Variants in KIN observed in about 807,000 individuals in gnomAD.
The protein encoded by KIN is Kin17 DNA and RNA binding protein.
A neutral mutation model predicts 63.0 loss-of-function variants in KIN; 47 were observed. The observed-to-expected ratio is 0.75, with a 90% CI of 0.59 to 0.95. KIN has a LOEUF of 0.95. KIN is among the 40% of genes least tolerant of loss of function. KIN has a pLI of 0.00. For missense variants in KIN, 408 were observed against 460.9 expected, an observed-to-expected ratio of 0.89 and a Z score of 1.05; for synonymous variants, 160 against 157.7, an observed-to-expected ratio of 1.01 and a Z score of -0.11.
At chr10:7,770,902 A>C (rs1398621760) in intron 7 of KIN, among the ~76,000 whole-genome samples, 1 of 152,050 alleles carries the variant, frequency 6.6e-6, no homozygotes, top group Non-Finnish European at 1.5e-5. Flanking sequence ...TAAAACCCCT[A>C]CTTCTTTTCT....
rs372521252 is a variant in KIN at position 7,783,194 on chromosome 10, C to G, written c.115-19G>C. 4.1e-6 allele frequency: 6 copies of G among 1,456,890 alleles called. No individual in the cohort carries two copies. In the African/African-American group the frequency reaches 7.1e-5, roughly 17 times the overall value. 90.2% of individuals were successfully genotyped at this position (1,456,890 alleles called of 1,614,324 possible). On this transcript the variant is annotated intron_variant, in intron 1 of 12. Coordinates refer to ENST00000379562, the MANE Select transcript of KIN (RefSeq NM_012311.4). ...AGCCATTCTACAAAAAATGTAAAAG[C>G]AATAAATTCTGATTTAGGTCATCAA...
intron 7 of KIN, among the ~76,000 whole-genome samples, chr10:7,770,167 G>A (rs1045986750): frequency 3.9e-5 from 6 of 152,182 alleles, no homozygotes; most frequent in African/African-American, 1.4e-4. Flanking sequence ...TTGACCTCAG[G>A]TGATCCACCT....
At chr10:7,781,202 G>A (rs1053048665) in intron 2 of KIN, among the ~76,000 whole-genome samples, 1 of 152,186 alleles carries the variant, frequency 6.6e-6, no homozygotes, top group African/African-American at 2.4e-5. Context: ...TGAAGGATAA[G>A]TAGAACCCTA....
chr10:7,775,868 T>A (rs949869868), intron 5 of KIN, 69 bp from the exon 6 acceptor site: 1 of 853,616 alleles, frequency 1.2e-6, no homozygotes, highest in South Asian at 1.6e-5. Context: ...TAGGCCTAAA[T>A]TATGACTTGC....
At chr10:7,763,551 AAG>A (rs1201962735) in intron 10 of KIN, among the ~76,000 whole-genome samples, 170 bp downstream of exon 10, 5 of 152,192 alleles carry the variant, frequency 3.3e-5, no homozygotes, top group Admixed American at 6.5e-5. Context: ...ATGGATGAAA[AAG>A]AAATATTTCT....
At chr10:7,787,645 G>C (rs1836052556) in intron 1 of KIN, among the ~76,000 whole-genome samples, 175 bp downstream of exon 1, 1 of 152,186 alleles carries the variant, frequency 6.6e-6, no homozygotes, top group Non-Finnish European at 1.5e-5. Flanking sequence ...CGGGGGCTGC[G>C]GGGAGGGACG....
chr10:7,751,647 T>C lies in KIN; in HGVS notation c.*4433A>G, dbSNP rs1017022064. 10 of 152,196 alleles carry C rather than the reference T, an allele frequency of 6.6e-5. 1 individual carries two copies. The highest frequency in any genetic ancestry group is 1.5e-4 in the Non-Finnish European group (10 of 68,026). The allele number at this position is 152,196 out of a possible 1,614,324, so 9.4% of individuals were successfully genotyped here. On this transcript the variant is annotated 3_prime_UTR_variant, in exon 13 of 13. Transcript: ENST00000379562. The stretch of plus-strand genomic sequence containing the variant: ...TTCTATAAGAAGTGCTCACCTATGA[T>C]ACCCTTTTGAAAAACCTACTGCATC...
At position 7,763,846 on chromosome 10, in the gene KIN, T is replaced by C. The variant is rs1025016777; in HGVS notation, c.850-55A>G. 5.7e-6 allele frequency: 5 copies of C among 871,912 alleles called. No individual in the cohort carries two copies. In the Admixed American group the frequency reaches 7.0e-5, roughly 12 times the overall value. 54.0% of individuals were successfully genotyped at this position (871,912 alleles called of 1,614,324 possible). ...GAAAGACAGAAGTTATCGTTTGTCA[T>C]TTACTTCTTCCTTTTAAACTATGTT... On this transcript the variant is annotated intron_variant, in intron 9 of 12. Coordinates refer to ENST00000379562, the MANE Select transcript of KIN (RefSeq NM_012311.4).
At position 7,763,725 on chromosome 10, in the gene KIN, T is replaced by C; in HGVS notation, c.916A>G (p.Lys306Glu). 1.4e-6 allele frequency: 2 copies of C among 1,474,056 alleles called. No individual in the cohort carries two copies. The highest frequency in any genetic ancestry group is 1.9e-6 in the Non-Finnish European group (2 of 1,065,428). The allele number at this position is 1,474,056 out of a possible 1,614,324, so 91.3% of individuals were successfully genotyped here. ...EKYHKKKAIVKEVIDKYTAVV... is the reference protein window; with the variant it reads ...EKYHKKKAIVEEVIDKYTAVV... ...CATTCATAATTGCACGTCCTTACCTTAACAATAGCCTTTTTCTTATGATAT... is the reference window on the plus strand; with the variant it reads ...CATTCATAATTGCACGTCCTTACCTCAACAATAGCCTTTTTCTTATGATAT... The change falls in exon 10 of 13, where the codon AAG becomes GAG. Residue 306 changes from lysine (K) to glutamate (E), a missense_variant and splice_region_variant. Coordinates refer to ENST00000379562, the MANE Select transcript of KIN (RefSeq NM_012311.4).
At chr10:7,777,904 C>CAAAAA (rs148544006) in intron 5 of KIN, among the ~76,000 whole-genome samples, 1 of 148,306 alleles carries the variant, frequency 6.7e-6, no homozygotes, top group African/African-American at 2.5e-5. Context: ...GTCCCCCCCC[C>CAAAAA]AAAAAAAAAA....
At chr10:7,772,124 G>T (rs562303067) in intron 7 of KIN, among the ~76,000 whole-genome samples, 1 of 152,152 alleles carries the variant, frequency 6.6e-6, no homozygotes, top group East Asian at 1.9e-4. Flanking sequence ...AGAGCAAACG[G>T]CAGGAGACAT....
At chr10:7,780,484 T>A (rs1835875267) in intron 2 of KIN, among the ~76,000 whole-genome samples, 177 bp from the exon 3 acceptor site, 1 of 152,122 alleles carries the variant, frequency 6.6e-6, no homozygotes, top group Non-Finnish European at 1.5e-5. Flanking sequence ...AACCTCCACT[T>A]CCCAGGTTCA....
chr10:7,782,521 C>T (rs1374974185), intron 2 of KIN, among the ~76,000 whole-genome samples: 1 of 151,950 alleles, frequency 6.6e-6, no homozygotes, highest in African/African-American at 2.4e-5. Flanking sequence ...GCCTCAGCCT[C>T]CTGAGTCGCT....
At chr10:7,776,820 T>G (rs1835786607) in intron 5 of KIN, among the ~76,000 whole-genome samples, 1 of 150,098 alleles carries the variant, frequency 6.7e-6, no homozygotes, top group Non-Finnish European at 1.5e-5. Flanking sequence ...GAGGTCGAGC[T>G]CAGGCAGGAG....
At chr10:7,785,813 G>C (rs2802459) in intron 1 of KIN, among the ~76,000 whole-genome samples, 1 of 135,476 alleles carries the variant, frequency 7.4e-6, no homozygotes, top group Non-Finnish European at 1.6e-5. Context: ...ACTCTGTCTA[G>C]AAAAAAAAAA....
chr10:7,778,515 C>T (rs1042537771), intron 5 of KIN, among the ~76,000 whole-genome samples: 27 of 152,106 alleles, frequency 1.8e-4, no homozygotes, highest in African/African-American at 5.8e-4. Flanking sequence ...CCGAGGCGGC[C>T]GGATCACGAG....
At chr10:7,784,340 T>A (rs1344142496) in intron 1 of KIN, among the ~76,000 whole-genome samples, 1 of 152,210 alleles carries the variant, frequency 6.6e-6, no homozygotes, top group Non-Finnish European at 1.5e-5. Context: ...CCCAGCACTT[T>A]GGGAGGCCAA....
At chr10:7,765,869 C>T (rs912996208) in intron 9 of KIN, among the ~76,000 whole-genome samples, 184 bp downstream of exon 9, 2 of 152,162 alleles carry the variant, frequency 1.3e-5, no homozygotes, top group African/African-American at 4.8e-5. Flanking sequence ...TGAAGTAACT[C>T]TCCAATAGAG....
Position 7,778,462 on chromosome 10 carries a change from T to C in KIN, c.558+376A>G, listed in dbSNP as rs549908057. On this transcript the variant is annotated intron_variant, in intron 5 of 12. Coordinates refer to ENST00000379562, the MANE Select transcript of KIN (RefSeq NM_012311.4). The stretch of plus-strand genomic sequence containing the variant: ...CAACGCTGAAAAGACACAAGCTGGC[T>C]GGGCACGGTGGCTCACGCCTGTAAT... 5.3e-5 allele frequency among the ~76,000 whole-genome samples: 8 copies of C among 152,240 alleles called. No homozygotes were observed. The East Asian group carries it at 1.5e-3, about 29-fold the overall frequency.
Sources: allele counts gnomAD v4.1 joint callset (sites outside exome capture counted in the v4.1 genomes callset), GRCh38; gene constraint gnomAD v4.1.1; transcripts MANE v1.5; gene names NCBI Gene and HGNC (gene_info 2026-07-23, HGNC 2026-07-21).